The following DLGAP1 variants were observed in gnomAD, a reference collection of about 807,000 sequenced individuals.
DLGAP1 encodes DLG associated protein 1.
DLGAP1 carries 11 observed loss-of-function variants against 90.8 expected under a neutral mutation model. The observed-to-expected ratio is 0.12, with a 90% CI of 0.08 to 0.20. DLGAP1 has a LOEUF of 0.20. Ranked by LOEUF, DLGAP1 falls within the 10% of genes least tolerant of loss-of-function variation. The pLI is 1.00. For synonymous variants in DLGAP1, 558 were observed against 540.7 expected (o/e 1.03, Z -0.44); for missense variants, 1,050 against 1,333.8 (o/e 0.79, Z 3.31).
Position 3,969,235 on chromosome 18 carries a change from A to T in DLGAP1, c.-73+35881T>A, listed in dbSNP as rs370421488. 2.6e-5 allele frequency among the ~76,000 whole-genome samples: 4 copies of T among 152,216 alleles called. No individual in the cohort carries two copies. In the East Asian group the frequency reaches 5.8e-4, roughly 22 times the overall value. Reference sequence around the variant, plus strand: ...ATTTTACAGCAATTCTATTAAAAACAATATACTAGAAATCTCACTAATGAT... The same window carrying T: ...ATTTTACAGCAATTCTATTAAAAACTATATACTAGAAATCTCACTAATGAT... On this transcript the variant is annotated intron_variant, in intron 3 of 12. Transcript: ENST00000315677.
At chr18:4,007,409 A>C (rs1002604356) in intron 2 of DLGAP1, among the ~76,000 whole-genome samples, 1 of 152,092 alleles carries the variant, frequency 6.6e-6, no homozygotes, top group Non-Finnish European at 1.5e-5. Context: ...TAATCCTAGC[A>C]CTTGGGAGGC....
rs2056877686 is a variant in DLGAP1, at chr18:3,600,749, T to TATATATATATAG, written c.1592-18502_1592-18501insCTATATATATAT. On this transcript the variant is annotated intron_variant, in intron 7 of 12. Transcript: ENST00000315677. ...ATATAGATATATATAGATATATAGA[T>TATATATATATAG]ATATATAGATATATAGATATATATA... Among the ~76,000 whole-genome samples the TATATATATATAG allele has an allele frequency of 1.5e-4, 2 of 12,918 alleles. 1 individual carries two copies. Among genetic ancestry groups the TATATATATATAG allele is most frequent in the African/African-American group, 6.6e-4 (2 of 3,018 alleles). The allele number at this position is 12,918 out of a possible 152,430, so 8.5% of individuals were successfully genotyped here.
At chr18:3,947,643 A>C (rs1192105517) in intron 3 of DLGAP1, among the ~76,000 whole-genome samples, 1 of 152,202 alleles carries the variant, frequency 6.6e-6, no homozygotes, top group African/African-American at 2.4e-5. Flanking sequence ...TTTGAGGTTT[A>C]AGGGGACTCC....
chr18:4,082,160 GTGAAATC>G (rs1030094477), intron 2 of DLGAP1, among the ~76,000 whole-genome samples: 2 of 151,910 alleles, frequency 1.3e-5, no homozygotes, highest in Non-Finnish European at 2.9e-5. Flanking sequence ...GGGCAAAATG[GTGAAATC>G]CTGCCTCTAC....
At chr18:3,703,865 G>GC (rs1164343107) in intron 7 of DLGAP1, among the ~76,000 whole-genome samples, 1 of 152,072 alleles carries the variant, frequency 6.6e-6, no homozygotes, top group African/African-American at 2.4e-5. Context: ...TTTGCGAAGA[G>GC]AATTTCCTTG....
intron 1 of DLGAP1, among the ~76,000 whole-genome samples, chr18:4,308,243 C>T (rs1294256725): frequency 6.6e-6 from 1 of 152,202 alleles, no homozygotes; most frequent in African/African-American, 2.4e-5. Context: ...ACTCACTGCC[C>T]TCTGCCTTTG....
chr18:3,617,827 G>C (rs751250325), intron 7 of DLGAP1, among the ~76,000 whole-genome samples: 10 of 151,348 alleles, frequency 6.6e-5, no homozygotes, highest in African/African-American at 2.4e-4. Context: ...CTGAGCTCAG[G>C]AGATCGAGAC....
chr18:3,661,446 G>C (rs1376775201), intron 7 of DLGAP1, among the ~76,000 whole-genome samples: 1 of 152,162 alleles, frequency 6.6e-6, no homozygotes, highest in Non-Finnish European at 1.5e-5. Flanking sequence ...CACTCCCTCC[G>C]GGAAGCCTGA....
At chr18:4,176,620 C>A (rs1475526072) in intron 1 of DLGAP1, among the ~76,000 whole-genome samples, 5 of 152,208 alleles carry the variant, frequency 3.3e-5, no homozygotes, top group South Asian at 2.1e-4. Flanking sequence ...TCCTTCCCAG[C>A]TCTGCCCTGT....
chr18:4,011,175 CAAAAAAAAAAA>C (rs35493947), intron 2 of DLGAP1, among the ~76,000 whole-genome samples: 1 of 97,228 alleles, frequency 1.0e-5, no homozygotes. Context: ...GATTCCGCCT[CAAAAAAAAAAA>C]AAAAAAAAAA....
At chr18:3,577,507 A>G (rs901047813) in intron 8 of DLGAP1, among the ~76,000 whole-genome samples, 1 of 152,238 alleles carries the variant, frequency 6.6e-6, no homozygotes, top group Non-Finnish European at 1.5e-5. Flanking sequence ...GTCTTCTACT[A>G]TGCGGTGGTA....
At chr18:3,877,520 G>A (rs571822217) in intron 4 of DLGAP1, among the ~76,000 whole-genome samples, 8 of 152,264 alleles carry the variant, frequency 5.3e-5, no homozygotes, top group African/African-American at 1.9e-4. Context: ...GACAAAATGT[G>A]TGGTACTCTA....
In DLGAP1 at chr18:4,110,147, T is replaced by C. The variant is rs554603268; in HGVS notation, c.-159+41033A>G. Among the ~76,000 whole-genome samples the C allele has an allele frequency of 1.6e-4, 25 of 152,350 alleles. 1 individual carries two copies. In the South Asian group the frequency reaches 5.0e-3, roughly 30 times the overall value. On this transcript the variant is annotated intron_variant, in intron 2 of 12. Transcript: ENST00000315677. ...TTTATTTACACAGACCTGGATGACC[T>C]AGCCTACTAAACACCTAGACTATAC...
intron 3 of DLGAP1, among the ~76,000 whole-genome samples, chr18:4,002,458 C>T (rs182495282): frequency 1.1e-4 from 17 of 152,226 alleles, no homozygotes; most frequent in Admixed American, 4.6e-4. Flanking sequence ...GCCTACTCAA[C>T]GTGAGGATAT....
At chr18:4,019,209 T>A (rs10502319) in intron 2 of DLGAP1, among the ~76,000 whole-genome samples, 16,469 of 152,174 alleles carry the variant, frequency 0.11, 943 homozygotes, top group Middle Eastern at 0.19. Context: ...CACAAAGACA[T>A]TTTCCCGACA....
intron 1 of DLGAP1, among the ~76,000 whole-genome samples, chr18:4,362,997 C>T (rs1334767027): frequency 6.6e-6 from 1 of 151,994 alleles, no homozygotes; most frequent in African/African-American, 2.4e-5. Flanking sequence ...GAAGCAATGT[C>T]GATGGCAAAC....
intron 5 of DLGAP1, among the ~76,000 whole-genome samples, chr18:3,784,767 G>A (rs576364242): frequency 1.3e-5 from 2 of 152,326 alleles, no homozygotes; most frequent in Admixed American, 6.5e-5. Context: ...GTTAAAAACT[G>A]TATTGAGAAA....
intron 4 of DLGAP1, among the ~76,000 whole-genome samples, chr18:3,828,010 T>G (rs1450627719): frequency 2.0e-5 from 3 of 152,244 alleles, no homozygotes; most frequent in Non-Finnish European, 2.9e-5. Context: ...CCTAAAGTAA[T>G]ACTTCTTGAA....
intron 5 of DLGAP1, among the ~76,000 whole-genome samples, chr18:3,762,516 T>C (rs1287880062): frequency 6.9e-6 from 1 of 145,306 alleles, no homozygotes; most frequent in African/African-American, 2.6e-5. Context: ...GTAAAAGTAT[T>C]TTGATAGATT....
Sources: allele counts gnomAD v4.1 joint callset (sites outside exome capture counted in the v4.1 genomes callset), GRCh38; gene constraint gnomAD v4.1.1; transcripts MANE v1.5; gene names NCBI Gene and HGNC (gene_info 2026-07-23, HGNC 2026-07-21).